FER1L6: variants seen among roughly 807,000 people sequenced by gnomAD.
FER1L6 encodes the protein fer-1-like protein 6.
Under a neutral mutation model 219.2 loss-of-function variants are expected in FER1L6, and 177 were observed. The observed-to-expected ratio is 0.81, with a 90% CI of 0.71 to 0.91. The LOEUF (loss-of-function observed/expected upper bound fraction) is 0.91, where lower values mean the gene tolerates loss of function less well. Ranked by LOEUF, FER1L6 falls within the 40% of genes least tolerant of loss-of-function variation. The pLI, the probability that FER1L6 is intolerant of heterozygous loss-of-function variation, is 0.00. For missense variants in FER1L6, 2,153 were observed against 2,259.9 expected, an observed-to-expected ratio of 0.95 and a Z score of 0.96; for synonymous variants, 768 against 824.3, an observed-to-expected ratio of 0.93 and a Z score of 1.17.
intron 33 of FER1L6, among the ~76,000 whole-genome samples, chr8:124,082,803 C>T (rs903102393): frequency 6.6e-6 from 1 of 152,132 alleles, no homozygotes; most frequent in South Asian, 2.1e-4. Flanking sequence ...CAAATGCCAG[C>T]GTCCAAGCTA....
At chr8:124,081,668 C>T (rs1230743382) in intron 32 of FER1L6, among the ~76,000 whole-genome samples, 1 of 144,478 alleles carries the variant, frequency 6.9e-6, no homozygotes, top group African/African-American at 2.6e-5. Flanking sequence ...CTTGTAGAGA[C>T]AACGCTTTGG....
chr8:123,903,053 A>G (rs1228291072), intron 1 of FER1L6, among the ~76,000 whole-genome samples: 2 of 151,560 alleles, frequency 1.3e-5, no homozygotes, highest in Non-Finnish European at 2.9e-5. Flanking sequence ...TCCTTCATAT[A>G]TGATGCTTAG....
At chr8:123,915,036 C>CTTTTTTTTTTT (rs56930256) in intron 1 of FER1L6, among the ~76,000 whole-genome samples, 2 of 146,868 alleles carry the variant, frequency 1.4e-5, no homozygotes. Context: ...GTATTACATG[C>CTTTTTTTTTTT]TTTTTTTTTT....
At chr8:123,989,444 C>T (rs567855412) in intron 12 of FER1L6, among the ~76,000 whole-genome samples, 3 of 152,156 alleles carry the variant, frequency 2.0e-5, no homozygotes, top group Middle Eastern at 3.4e-3. Context: ...TTTTCGGTAA[C>T]GTGGATGAAT....
intron 12 of FER1L6, among the ~76,000 whole-genome samples, chr8:123,999,590 G>A (rs898174304): frequency 2.0e-5 from 3 of 152,196 alleles, no homozygotes; most frequent in Non-Finnish European, 4.4e-5. Flanking sequence ...CTGAACCCGG[G>A]AGGCAGAGGT....
intron 21 of FER1L6, among the ~76,000 whole-genome samples, chr8:124,047,012 T>C (rs759508296): frequency 2.6e-5 from 4 of 152,256 alleles, no homozygotes; most frequent in Non-Finnish European, 5.9e-5. Flanking sequence ...TTCTACTATT[T>C]AGCATGTAGT....
chr8:123,940,484 C>T (rs568234835), intron 1 of FER1L6, among the ~76,000 whole-genome samples: 17 of 152,098 alleles, frequency 1.1e-4, no homozygotes, highest in Non-Finnish European at 2.2e-4. Flanking sequence ...ACTACAGGCA[C>T]GTGCCACCAA....
Position 124,072,209 on chromosome 8 carries a change from G to A in FER1L6, c.4092+578G>A, listed in dbSNP as rs142680838. ...GGGGGAAGGACCAAGGCAGAACAGG[G>A]CAGCTGTTACTGTGAAATTCTCCTC... On this transcript the variant is annotated intron_variant, in intron 31 of 40. Transcript: ENST00000522917. 2.0e-5 allele frequency among the ~76,000 whole-genome samples: 3 copies of A among 152,318 alleles called. No homozygotes were observed. The East Asian group carries it at 5.8e-4, about 29-fold the overall frequency.
intron 1 of FER1L6, among the ~76,000 whole-genome samples, chr8:123,856,259 T>TATATACATATGTATGAG (rs1491520678): frequency 3.6e-5 from 5 of 140,054 alleles, no homozygotes; most frequent in African/African-American, 1.3e-4. Flanking sequence ...GAGATATATG[T>TATATACATATGTATGAG]ATATATGTGT....
chr8:123,957,615 A>C (rs964377407), intron 2 of FER1L6, among the ~76,000 whole-genome samples: 26 of 152,172 alleles, frequency 1.7e-4, no homozygotes, highest in African/African-American at 5.5e-4. Context: ...CCCAGGTCAC[A>C]CAGCTAATAA....
At chr8:123,880,290 T>C (rs2129659206) in intron 1 of FER1L6, among the ~76,000 whole-genome samples, 1 of 152,246 alleles carries the variant, frequency 6.6e-6, no homozygotes, top group Non-Finnish European at 1.5e-5. Context: ...TAACTCCCAC[T>C]GTATTTAACG....
At chr8:123,976,121 CAGGGCCCTGCTCTCTATCCA>C in intron 9 of FER1L6, 37 bp downstream of exon 9, 1 of 1,461,222 alleles carries the variant, frequency 6.8e-7, no homozygotes, top group Non-Finnish European at 9.4e-7. Flanking sequence ...CCTGCTAGGC[CAGGGCCCTGCTCTCTATCCA>C]AGATATGTTT....
intron 10 of FER1L6, among the ~76,000 whole-genome samples, chr8:123,979,277 T>C (rs1816221919): frequency 6.6e-6 from 1 of 152,236 alleles, no homozygotes; most frequent in Non-Finnish European, 1.5e-5. Context: ...ATTGATAGTT[T>C]CTTTTAATTT....
At chr8:124,004,672 C>G (rs2130516628) in intron 13 of FER1L6, among the ~76,000 whole-genome samples, 1 of 152,192 alleles carries the variant, frequency 6.6e-6, no homozygotes, top group South Asian at 2.1e-4. Flanking sequence ...CTCAGCCCAC[C>G]ATTCTGAGTC....
intron 18 of FER1L6, among the ~76,000 whole-genome samples, chr8:124,028,085 G>T (rs1046694667): frequency 2.0e-5 from 3 of 152,190 alleles, no homozygotes; most frequent in Non-Finnish European, 4.4e-5. Context: ...TAAATATTTT[G>T]ATGTATCCTG....
chr8:124,066,361 C>G, intron 26 of FER1L6, 67 bp from the exon 27 acceptor site: 1 of 1,564,212 alleles, frequency 6.4e-7, no homozygotes, highest in Non-Finnish European at 8.7e-7. Flanking sequence ...TCCTCACAAG[C>G]CAGTTGACCA....
chr8:124,084,589 T>G (rs1821707748), intron 33 of FER1L6, among the ~76,000 whole-genome samples: 1 of 152,302 alleles, frequency 6.6e-6, no homozygotes, highest in Admixed American at 6.5e-5. Flanking sequence ...TGTCAAATGA[T>G]CATTACATCC....
At chr8:124,096,463 A>T (rs1265243829) in intron 35 of FER1L6, among the ~76,000 whole-genome samples, 1 of 152,094 alleles carries the variant, frequency 6.6e-6, no homozygotes, top group Non-Finnish European at 1.5e-5. Context: ...CTGCCCCATC[A>T]TCCCAACCCA....
Position 123,975,160 on chromosome 8 carries a change from C to G in FER1L6, c.537C>G (p.Phe179Leu). ...GTVYNQPGHQFCNKWALLTDP... is the reference protein window; with the variant it reads ...GTVYNQPGHQLCNKWALLTDP... ...AGGGTGCTTTCACAGGTCATCAGTTCTGCAACAAGTGGGCCCTGCTCACAG... is the reference window on the plus strand; with the variant it reads ...AGGGTGCTTTCACAGGTCATCAGTTGTGCAACAAGTGGGCCCTGCTCACAG... Residue 179 changes from phenylalanine (F) to leucine (L), a missense_variant, in exon 8 of 41, where the codon TTC (phenylalanine) becomes TTG (leucine). Physicochemically the swap from Phe to Leu is conservative, Grantham distance 22 (BLOSUM62 0). Coordinates refer to ENST00000522917, the MANE Select transcript of FER1L6 (RefSeq NM_001039112.2). 6.2e-7 allele frequency: 1 copy of G among 1,602,848 alleles called. No homozygotes were observed. The highest frequency in any genetic ancestry group is 8.5e-7 in the Non-Finnish European group (1 of 1,174,678).
Sources: allele counts gnomAD v4.1 joint callset (sites outside exome capture counted in the v4.1 genomes callset), GRCh38; gene constraint gnomAD v4.1.1; transcripts MANE v1.5; gene names NCBI Gene and HGNC (gene_info 2026-07-23, HGNC 2026-07-21).